The following SGCZ variants were observed in gnomAD, a reference collection of about 807,000 sequenced individuals.
SGCZ encodes zeta-sarcoglycan.
SGCZ carries 40 observed loss-of-function variants against 41.3 expected under a neutral mutation model. The ratio of observed to expected loss-of-function variants is 0.97; its 90% CI spans 0.75 to 1.26. The LOEUF is 1.26. Ranked by LOEUF, SGCZ falls within the 50% of genes most tolerant of loss-of-function variation. The probability of loss-of-function intolerance (pLI) is 0.00; values close to 1 mark genes in which losing one functional copy is unlikely to be tolerated. For synonymous variants in SGCZ, 206 were observed against 137.5 expected, an observed-to-expected ratio of 1.50 and a Z score of -3.49; for missense variants, 552 against 369.8, an observed-to-expected ratio of 1.49 and a Z score of -4.04.
chr8:14,213,426 T>C (rs1355295987), intron 4 of SGCZ, among the ~76,000 whole-genome samples: 1 of 152,080 alleles, frequency 6.6e-6, no homozygotes, highest in Non-Finnish European at 1.5e-5. Flanking sequence ...AAAGGAACTA[T>C]TTACCTCAAT....
At chr8:15,018,119 T>C (rs944882068) in intron 1 of SGCZ, among the ~76,000 whole-genome samples, 3 of 152,148 alleles carry the variant, frequency 2.0e-5, no homozygotes. Flanking sequence ...AAGAAGTTAA[T>C]TATACATATT....
At chr8:14,570,197 A>G (rs1353576300) in intron 1 of SGCZ, among the ~76,000 whole-genome samples, 1 of 152,176 alleles carries the variant, frequency 6.6e-6, no homozygotes, top group Non-Finnish European at 1.5e-5. Context: ...GTAGGTGCTC[A>G]ATAATACTTA....
At chr8:15,017,589 C>T (rs1803085981) in intron 1 of SGCZ, among the ~76,000 whole-genome samples, 1 of 152,096 alleles carries the variant, frequency 6.6e-6, no homozygotes, top group African/African-American at 2.4e-5. Context: ...GCAGCCTCAA[C>T]CTCCCAGGCT....
chr8:14,372,838 A>G (rs146043399), intron 2 of SGCZ, among the ~76,000 whole-genome samples: 294 of 152,248 alleles, frequency 1.9e-3, no homozygotes, highest in African/African-American at 6.4e-3. Context: ...TGAGGTGATG[A>G]GACGTGTTGT....
intron 2 of SGCZ, among the ~76,000 whole-genome samples, chr8:14,422,079 A>G (rs1018111378): frequency 6.6e-6 from 1 of 152,168 alleles, no homozygotes; most frequent in Non-Finnish European, 1.5e-5. Flanking sequence ...AAACAAATGC[A>G]AAGTCTTAAC....
At chr8:14,212,012 C>G (rs1181956047) in intron 4 of SGCZ, among the ~76,000 whole-genome samples, 1 of 152,038 alleles carries the variant, frequency 6.6e-6, no homozygotes, top group Non-Finnish European at 1.5e-5. Flanking sequence ...CTGTCCCATC[C>G]CTAAGATAGT....
intron 1 of SGCZ, among the ~76,000 whole-genome samples, chr8:14,911,114 C>A (rs573538521): frequency 6.6e-5 from 10 of 152,094 alleles, no homozygotes; most frequent in African/African-American, 2.2e-4. Flanking sequence ...CATTTTGACT[C>A]CTCTGACACA....
rs1563119100 is a variant in SGCZ at position 14,090,016 on chromosome 8, G to A, written c.*427C>T. The stretch of plus-strand genomic sequence containing the variant: ...CATCCAAAAAGATGAATGGAAAATT[G>A]TGCTTTCAGAATGTAGAATAAGTTT... On this transcript the variant is annotated 3_prime_UTR_variant, in exon 8 of 8. Transcript: ENST00000382080. 1 of 153,534 alleles carries A rather than the reference G, an allele frequency of 6.5e-6. No homozygotes were observed. The highest frequency in any genetic ancestry group is 1.5e-5 in the Non-Finnish European group (1 of 68,754). The allele number at this position is 153,534 out of a possible 1,614,324, so 9.5% of individuals were successfully genotyped here.
At chr8:14,656,525 T>A (rs966998487) in intron 1 of SGCZ, among the ~76,000 whole-genome samples, 4 of 149,980 alleles carry the variant, frequency 2.7e-5, no homozygotes, top group African/African-American at 9.9e-5. Context: ...CCTTTTCTTT[T>A]CTTTCTTTTT....
chr8:14,210,184 A>G (rs962899487), intron 4 of SGCZ, among the ~76,000 whole-genome samples: 1 of 152,132 alleles, frequency 6.6e-6, no homozygotes, highest in African/African-American at 2.4e-5. Context: ...CAGCCTCCCA[A>G]GTAGCTGGGA....
At chr8:14,537,076 T>G (rs17119752) in intron 2 of SGCZ, among the ~76,000 whole-genome samples, 2,350 of 152,074 alleles carry the variant, frequency 0.015, 56 homozygotes, top group African/African-American at 0.054. Flanking sequence ...AGCCCCATCA[T>G]GACTCTAACA....
intron 2 of SGCZ, among the ~76,000 whole-genome samples, chr8:14,553,214 G>C (rs2117187146): frequency 6.6e-6 from 1 of 152,042 alleles, no homozygotes; most frequent in South Asian, 2.1e-4. Flanking sequence ...TAGAGTTGTT[G>C]ATATTTGTGT....
At chr8:14,813,907 A>G (rs1801813785) in intron 1 of SGCZ, among the ~76,000 whole-genome samples, 2 of 152,092 alleles carry the variant, frequency 1.3e-5, no homozygotes. Context: ...GAGCCAAGAT[A>G]GTGCCACTGC....
intron 1 of SGCZ, among the ~76,000 whole-genome samples, chr8:15,232,704 T>C (rs1419585023): frequency 7.1e-6 from 1 of 140,076 alleles, no homozygotes; most frequent in Admixed American, 7.4e-5. Context: ...TGTATATATA[T>C]ACATATATAT....
Position 14,395,829 on chromosome 8 carries a change from A to G in SGCZ, c.235-71625T>C, listed in dbSNP as rs560717102. On this transcript the variant is annotated intron_variant, in intron 2 of 7. Coordinates refer to ENST00000382080, the MANE Select transcript of SGCZ (RefSeq NM_139167.4). ...CAAAGTTATCTGGCACATAATGCCT[A>G]AATGAGTGGCTTCCAATACATGTGG... Among the ~76,000 whole-genome samples the G allele has an allele frequency of 3.0e-4, 46 of 152,326 alleles. 1 individual carries two copies. The highest frequency in any genetic ancestry group is 1.1e-3 in the African/African-American group (45 of 41,570).
intron 1 of SGCZ, among the ~76,000 whole-genome samples, chr8:14,864,469 A>G (rs918156084): frequency 6.6e-6 from 1 of 152,162 alleles, no homozygotes; most frequent in Non-Finnish European, 1.5e-5. Flanking sequence ...AGCATATAAC[A>G]TACAATCTTC....
chr8:14,147,614 T>G (rs891268530), intron 5 of SGCZ, among the ~76,000 whole-genome samples: 1 of 152,120 alleles, frequency 6.6e-6, no homozygotes, highest in Non-Finnish European at 1.5e-5. Flanking sequence ...ATACGATAAC[T>G]GGAAACTTTA....
intron 4 of SGCZ, among the ~76,000 whole-genome samples, chr8:14,200,024 A>C (rs1805402477): frequency 6.6e-6 from 1 of 152,220 alleles, no homozygotes. Context: ...CGACGTAAAC[A>C]GAAACGTATT....
At chr8:14,662,064 T>G (rs935341958) in intron 1 of SGCZ, among the ~76,000 whole-genome samples, 3 of 152,122 alleles carry the variant, frequency 2.0e-5, no homozygotes, top group African/African-American at 7.2e-5. Context: ...GAAAAATCCT[T>G]TCATATATCT....
Sources: gnomAD v4.1 joint callset for allele counts (sites outside exome capture counted in the v4.1 genomes callset) on GRCh38, gnomAD v4.1.1 for gene constraint, MANE v1.5 for transcripts, NCBI Gene and HGNC (gene_info 2026-07-23, HGNC 2026-07-21) for gene names.